The following SLC41A1 variants were observed in gnomAD, a reference collection of about 807,000 sequenced individuals.
The protein encoded by SLC41A1 is solute carrier family 41 member 1, also known as solute carrier family 41 (magnesium transporter), member 1.
SLC41A1 carries 20 observed loss-of-function variants against 47.3 expected under a neutral mutation model. The ratio of observed to expected loss-of-function variants is 0.42; its 90% confidence interval spans 0.30 to 0.61. The LOEUF (loss-of-function observed/expected upper bound fraction) is 0.61. Among genes scored for constraint, SLC41A1 ranks in the 20% least tolerant of loss-of-function variants. The probability of loss-of-function intolerance (pLI) is 0.17; values close to 1 mark genes in which losing one functional copy is unlikely to be tolerated. For synonymous variants in SLC41A1, 282 were observed against 272.7 expected, an observed-to-expected ratio of 1.03 and a Z score of -0.34; for missense variants, 504 against 674.1, an observed-to-expected ratio of 0.75 and a Z score of 2.79.
In SLC41A1 at chr1:205,810,909, T is replaced by C. The variant is rs1044265036; in HGVS notation, c.-468A>G. The C allele has an allele frequency of 5.5e-6, 1 of 182,512 alleles. No individual in the cohort carries two copies. The highest frequency in any genetic ancestry group is 1.2e-4 in the South Asian group (1 of 8,616). The allele number at this position is 182,512 out of a possible 1,614,324, so 11.3% of individuals were successfully genotyped here. A position where few individuals can be genotyped will look rare whatever the true frequency, so the allele number is the denominator to read the frequency against. Reference sequence around the variant, plus strand: ...CACAGTGCCAGCCTGGGGCTGCGGCTCCTTCCCGCTCCTTTGGCTGGGCTC... The same window carrying C: ...CACAGTGCCAGCCTGGGGCTGCGGCCCCTTCCCGCTCCTTTGGCTGGGCTC... On this transcript the variant is annotated 5_prime_UTR_variant, in exon 2 of 11. Transcript: ENST00000367137. This position sits in a 1 kb window ranked among gnomAD's most constrained non-coding sequence, Gnocchi z 5.5.
Position 205,795,407 on chromosome 1 carries a change from C to T in SLC41A1, c.1144G>A (p.Gly382Arg), listed in dbSNP as rs577344199. ...CGAGGAGCTTGCTCAGAGTTCTCTC[C>T]GGGCATTCCATTCATGTGCAGGAAG... Reference protein sequence around the residue: ...STFLHMNGMPGENSEQAPRRC... With the variant: ...STFLHMNGMPRENSEQAPRRC... Residue 382 changes from glycine to arginine, a missense_variant, in exon 9 of 11, where the codon GGA becomes AGA. By Grantham distance (125) the Gly-to-Arg change is moderately radical. Around this residue, in one of 2 missense-constraint regions of SLC41A1, gnomAD observed 421 missense variants for 601.6 expected, o/e 0.70. Coordinates refer to ENST00000367137, the MANE Select transcript of SLC41A1 (RefSeq NM_173854.6). 31 of 1,614,200 alleles carry T rather than the reference C, an allele frequency of 1.9e-5. No individual in the cohort carries two copies. The highest frequency in any genetic ancestry group is 8.0e-5 in the African/African-American group (6 of 75,036).
At chr1:205,797,083 C>T (rs1655768046) in intron 7 of SLC41A1, 80 bp from the exon 8 acceptor site, 4 of 1,276,950 alleles carry the variant, frequency 3.1e-6, no homozygotes, top group Non-Finnish European at 4.5e-6. Context: ...GGTCCAGGCC[C>T]ACCTATCCTT....
At chr1:205,795,053 G>T in intron 9 of SLC41A1, 35 bp from the exon 10 acceptor site, 1 of 1,611,006 alleles carries the variant, frequency 6.2e-7, no homozygotes, top group Non-Finnish European at 8.5e-7. Flanking sequence ...AAAGAGGAGG[G>T]GAGGAGAAGA....
intron 10 of SLC41A1, among the ~76,000 whole-genome samples, chr1:205,792,491 A>G: frequency 6.6e-6 from 1 of 152,232 alleles, no homozygotes; most frequent in East Asian, 1.9e-4. Flanking sequence ...ACAGATAATT[A>G]AGAATGACTC....
At position 205,810,888 on chromosome 1, in the gene SLC41A1, G is replaced by C. The variant is rs551695718; in HGVS notation, c.-447C>G. Reference sequence around the variant, plus strand: ...TTGAGTTCAAATCTTTCAGAACACAGTGCCAGCCTGGGGCTGCGGCTCCTT... The same window carrying C: ...TTGAGTTCAAATCTTTCAGAACACACTGCCAGCCTGGGGCTGCGGCTCCTT... On this transcript the variant is annotated 5_prime_UTR_variant, in exon 2 of 11. Transcript: ENST00000367137. This position sits in a 1 kb window ranked among gnomAD's most constrained non-coding sequence, Gnocchi z 5.5. 1 of 197,956 alleles carries C rather than the reference G, an allele frequency of 5.1e-6. No individual in the cohort carries two copies. Among genetic ancestry groups the C allele is most frequent in the Non-Finnish European group, 1.1e-5 (1 of 95,144 alleles). The allele number at this position is 197,956 out of a possible 1,614,324, so 12.3% of individuals were successfully genotyped here. A position where few individuals can be genotyped will look rare whatever the true frequency, so the allele number is the denominator to read the frequency against.
chr1:205,800,946 T>A lies in SLC41A1; in HGVS notation c.480+7A>T. The A allele has an allele frequency of 1.9e-6, 3 of 1,613,336 alleles. No homozygotes were observed. Among genetic ancestry groups the A allele is most frequent in the Non-Finnish European group, 2.5e-6 (3 of 1,179,394 alleles). On this transcript the variant is annotated splice_region_variant and intron_variant, in intron 3 of 10. Coordinates refer to ENST00000367137, the MANE Select transcript of SLC41A1 (RefSeq NM_173854.6). ...TGTGCCCCACTCCTCCCAGCCAGGA[T>A]ACTCACTGCAGTGGAAAGCCTTGAT...
At chr1:205,795,140 C>A in intron 9 of SLC41A1, 122 bp from the exon 10 acceptor site, 1 of 1,448,314 alleles carries the variant, frequency 6.9e-7, no homozygotes, top group Non-Finnish European at 9.5e-7. Context: ...AATGTCTCTA[C>A]TTCTGCATCC....
At chr1:205,802,469 C>A (rs1481251586) in intron 2 of SLC41A1, among the ~76,000 whole-genome samples, 1 of 152,126 alleles carries the variant, frequency 6.6e-6, no homozygotes, top group Non-Finnish European at 1.5e-5. Flanking sequence ...ATAATCCCAG[C>A]ACTTTGGGAG....
At chr1:205,794,582 C>A (rs1039394082) in intron 10 of SLC41A1, among the ~76,000 whole-genome samples, 2 of 152,084 alleles carry the variant, frequency 1.3e-5, no homozygotes, top group East Asian at 3.9e-4. Context: ...GGCTCAGCAT[C>A]CTACAACCAC....
chr1:205,805,033 C>T (rs1478053275), intron 2 of SLC41A1, among the ~76,000 whole-genome samples: 1 of 152,234 alleles, frequency 6.6e-6, no homozygotes, highest in African/African-American at 2.4e-5. Flanking sequence ...CACAATGCAC[C>T]CTCTCCTTAT....
rs1655870926 is a variant in SLC41A1 at position 205,801,208 on chromosome 1, G to A, written c.373-148C>T. 7.5e-6 allele frequency: 5 copies of A among 666,982 alleles called. No homozygotes were observed. The Admixed American group carries it at 1.1e-4, about 14-fold the overall frequency. The allele number at this position is 666,982 out of a possible 1,614,324, so 41.3% of individuals were successfully genotyped here. On this transcript the variant is annotated intron_variant, in intron 2 of 10. Coordinates refer to ENST00000367137, the MANE Select transcript of SLC41A1 (RefSeq NM_173854.6). Reference sequence around the variant, plus strand: ...AGCCACCTTTCCTCCAAGAACCTTGGAACCAAACCAAGCCCATGATTCTTC... The same window carrying A: ...AGCCACCTTTCCTCCAAGAACCTTGAAACCAAACCAAGCCCATGATTCTTC...
intron 2 of SLC41A1, among the ~76,000 whole-genome samples, chr1:205,808,741 A>G (rs999965450): frequency 2.6e-5 from 4 of 152,210 alleles, no homozygotes; most frequent in Non-Finnish European, 4.4e-5. Flanking sequence ...CCTTCAAGAT[A>G]ACAGTTTTGG....
intron 8 of SLC41A1, 127 bp downstream of exon 8, chr1:205,796,797 A>G: frequency 3.3e-6 from 3 of 920,180 alleles, no homozygotes; most frequent in Non-Finnish European, 5.2e-6. Context: ...AAGGTCTTGA[A>G]CCATCTGAGC....
chr1:205,804,051 T>G (rs867579965), intron 2 of SLC41A1, among the ~76,000 whole-genome samples: 23 of 152,176 alleles, frequency 1.5e-4, no homozygotes, highest in Admixed American at 9.2e-4. Flanking sequence ...GGAGATCTGT[T>G]GTACAATGAG....
intron 3 of SLC41A1, among the ~76,000 whole-genome samples, chr1:205,800,691 G>C (rs190536839): frequency 2.0e-5 from 3 of 152,280 alleles, no homozygotes; most frequent in Admixed American, 1.3e-4. Flanking sequence ...TGAGAGGTAG[G>C]GGGTGGGGCA....
intron 2 of SLC41A1, among the ~76,000 whole-genome samples, chr1:205,808,185 A>G (rs1656059638): frequency 6.6e-6 from 1 of 151,890 alleles, no homozygotes; most frequent in African/African-American, 2.4e-5. Context: ...CAAACTCCTG[A>G]CCTCAGGTGA....
chr1:205,800,620 C>T (rs567662567), intron 3 of SLC41A1, among the ~76,000 whole-genome samples: 12 of 152,024 alleles, frequency 7.9e-5, no homozygotes, highest in African/African-American at 2.4e-4. Flanking sequence ...CCCATCTGTG[C>T]GGGTGGAGGA....
intron 2 of SLC41A1, among the ~76,000 whole-genome samples, chr1:205,807,238 C>A (rs1656034091): frequency 1.3e-5 from 2 of 152,192 alleles, no homozygotes; most frequent in African/African-American, 2.4e-5. Context: ...CTGCACTCAC[C>A]CCCTCCTGCC....
In SLC41A1 at chr1:205,794,995, C is replaced by A. The variant is rs1655710429; in HGVS notation, c.1231G>T (p.Val411Phe). ...CCTGGGACCACGAGGAGGAAGAGGACCCGGGCTGAGCGAGAATTCACATCT... is the reference window on the plus strand; with the variant it reads ...CCTGGGACCACGAGGAGGAAGAGGAACCGGGCTGAGCGAGAATTCACATCT... ...SPDVNSRSAR[V>F]LFLLVVPGHL... Residue 411 changes from valine to phenylalanine, a missense_variant, in exon 10 of 11, where the codon GTC (valine) becomes TTC (phenylalanine). Around this residue, in one of 2 missense-constraint regions of SLC41A1, gnomAD observed 421 missense variants for 601.6 expected, o/e 0.70. Transcript: ENST00000367137. The A allele has an allele frequency of 6.2e-7, 1 of 1,613,888 alleles. No individual in the cohort carries two copies. Among genetic ancestry groups the A allele is most frequent in the Non-Finnish European group, 8.5e-7 (1 of 1,179,960 alleles).
Sources: allele counts gnomAD v4.1 joint callset (sites outside exome capture counted in the v4.1 genomes callset), GRCh38; gene constraint gnomAD v4.1.1; regional missense constraint gnomAD v4.1.1; non-coding constraint Gnocchi (gnomAD v3.1); transcripts MANE v1.5; gene names NCBI Gene and HGNC (gene_info 2026-07-23, HGNC 2026-07-21).